BTBD9: variants seen among roughly 807,000 people sequenced by gnomAD.
BTBD9 encodes the protein BTB/POZ domain-containing protein 9.
BTBD9 carries 49 observed loss-of-function variants against 64.3 expected under a neutral mutation model. That is an observed-to-expected ratio of 0.76 (90% confidence interval 0.61 to 0.97). BTBD9 has a LOEUF of 0.97. BTBD9 is among the 50% of genes least tolerant of loss of function. The probability of loss-of-function intolerance (pLI) is 0.00; values close to 1 mark genes in which losing one functional copy is unlikely to be tolerated. For missense variants in BTBD9, 598 were observed against 762.1 expected (o/e 0.78, Z 2.53); for synonymous variants, 260 against 274.7 (o/e 0.95, Z 0.53).
chr6:38,615,273 T>C (rs865905149), intron 1 of BTBD9, among the ~76,000 whole-genome samples: 12 of 152,340 alleles, frequency 7.9e-5, no homozygotes, highest in African/African-American at 2.9e-4. Flanking sequence ...ATTGTATCTC[T>C]TTGTATTTAT....
chr6:38,365,268 G>A (rs1006572484), intron 6 of BTBD9, among the ~76,000 whole-genome samples: 1 of 152,176 alleles, frequency 6.6e-6, no homozygotes, highest in African/African-American at 2.4e-5. Context: ...GGCATAACCA[G>A]AGTGTTTAAC....
intron 9 of BTBD9, among the ~76,000 whole-genome samples, chr6:38,241,418 G>A (rs1407120571): frequency 2.0e-5 from 3 of 152,152 alleles, no homozygotes; most frequent in Non-Finnish European, 4.4e-5. Flanking sequence ...GTAGAAGGCC[G>A]AACAAGATGA....
At chr6:38,636,703 T>C (rs1289314523) in intron 1 of BTBD9, among the ~76,000 whole-genome samples, 1 of 152,198 alleles carries the variant, frequency 6.6e-6, no homozygotes, top group East Asian at 1.9e-4. Flanking sequence ...AACTTTCTGA[T>C]TATTCTACCT....
At chr6:38,180,347 G>A (rs1487757690) in intron 10 of BTBD9, among the ~76,000 whole-genome samples, 1 of 152,216 alleles carries the variant, frequency 6.6e-6, no homozygotes, top group Non-Finnish European at 1.5e-5. Flanking sequence ...AGGAGTGTGA[G>A]GGAAGGGAGG....
chr6:38,345,211 G>A (rs1242562967), intron 6 of BTBD9, 118 bp from the exon 7 acceptor site: 1 of 547,062 alleles, frequency 1.8e-6, no homozygotes, highest in Non-Finnish European at 3.2e-6. Flanking sequence ...TAGACCAAAG[G>A]AGACTCTGAG....
At chr6:38,517,818 T>G (rs1158851700) in intron 6 of BTBD9, among the ~76,000 whole-genome samples, 1 of 152,146 alleles carries the variant, frequency 6.6e-6, no homozygotes, top group East Asian at 1.9e-4. Context: ...TCGAATCCAT[T>G]TCTTTGCACC....
intron 10 of BTBD9, among the ~76,000 whole-genome samples, chr6:38,180,674 C>T (rs1256531442): frequency 6.6e-6 from 1 of 152,228 alleles, no homozygotes; most frequent in African/African-American, 2.4e-5. Flanking sequence ...GGCAGAGCCG[C>T]ACTACTCATT....
intron 1 of BTBD9, among the ~76,000 whole-genome samples, chr6:38,598,759 A>C (rs1436285223): frequency 1.3e-5 from 2 of 152,024 alleles, no homozygotes; most frequent in African/African-American, 4.8e-5. Flanking sequence ...CTCTACTAAA[A>C]ATACAAAATT....
At chr6:38,321,053 T>C (rs190573505) in intron 7 of BTBD9, among the ~76,000 whole-genome samples, 6 of 152,352 alleles carry the variant, frequency 3.9e-5, no homozygotes, top group Non-Finnish European at 7.3e-5. Flanking sequence ...TCTGAGTCAT[T>C]TGACCAAAGT....
At chr6:38,491,795 T>C (rs1771713628) in intron 6 of BTBD9, among the ~76,000 whole-genome samples, 1 of 152,188 alleles carries the variant, frequency 6.6e-6, no homozygotes, top group Non-Finnish European at 1.5e-5. Context: ...CAACAGGGTG[T>C]ATTAAGAGTA....
rs1299486478 is a variant in BTBD9, at chr6:38,577,624, A to G, written c.1130T>C (p.Leu377Ser). 5 of 1,609,494 alleles carry G rather than the reference A, an allele frequency of 3.1e-6. No individual in the cohort carries two copies. Among genetic ancestry groups the G allele is most frequent in the African/African-American group, 1.3e-5 (1 of 74,832 alleles). The part of the protein sequence containing the change: ...SQYLCRSWQK[L>S]YFPARVCRYI... ...CCTGCAGACACGGGCTGGAAAATAT[A>G]ATTTCTGCCAAGAACGACACAGATA... is the stretch of plus-strand genomic sequence containing the variant. Residue 377 changes from leucine to serine, a missense_variant, in exon 6 of 11, where the codon TTA (leucine) becomes TCA (serine). By Grantham distance (145) the Leu-to-Ser change is moderately radical. Coordinates refer to ENST00000481247, the MANE Select transcript of BTBD9 (RefSeq NM_001099272.2).
chr6:38,266,613 A>AGGAAAGAAAG (rs112415479), intron 8 of BTBD9, among the ~76,000 whole-genome samples: 6 of 9,674 alleles, frequency 6.2e-4, no homozygotes, highest in East Asian at 5.3e-3. Flanking sequence ...AAGGAAAGAA[A>AGGAAAGAAAG]GAAAGAAAGA....
At chr6:38,369,124 A>G (rs1765313405) in intron 6 of BTBD9, among the ~76,000 whole-genome samples, 2 of 152,100 alleles carry the variant, frequency 1.3e-5, no homozygotes, top group African/African-American at 2.4e-5. Context: ...TCTTAACTTA[A>G]TATTTCTCAA....
At chr6:38,264,629 G>C (rs1481324316) in intron 8 of BTBD9, among the ~76,000 whole-genome samples, 1 of 152,158 alleles carries the variant, frequency 6.6e-6, no homozygotes, top group African/African-American at 2.4e-5. Context: ...TGAGAAAGAG[G>C]GACTTTCCCA....
At chr6:38,327,191 A>C (rs925858877) in intron 7 of BTBD9, among the ~76,000 whole-genome samples, 1 of 152,206 alleles carries the variant, frequency 6.6e-6, no homozygotes, top group African/African-American at 2.4e-5. Flanking sequence ...AAAAAAAATA[A>C]GTATCTAATG....
At chr6:38,426,013 G>A (rs953987115) in intron 6 of BTBD9, among the ~76,000 whole-genome samples, 1 of 151,668 alleles carries the variant, frequency 6.6e-6, no homozygotes, top group Non-Finnish European at 1.5e-5. Context: ...CAGAAGCTAC[G>A]TGTGTCATAA....
At chr6:38,590,420 T>A (rs1776745059) in intron 4 of BTBD9, among the ~76,000 whole-genome samples, 1 of 152,324 alleles carries the variant, frequency 6.6e-6, no homozygotes, top group Middle Eastern at 3.4e-3. Context: ...AATTCAGGAT[T>A]TGAAGTCAAA....
chr6:38,603,244 G>C (rs1238188615), intron 1 of BTBD9, among the ~76,000 whole-genome samples: 2 of 152,142 alleles, frequency 1.3e-5, no homozygotes, highest in East Asian at 1.9e-4. Context: ...TGGATTCTGG[G>C]ACCTCATATG....
At chr6:38,271,594 G>T (rs544777746) in intron 8 of BTBD9, among the ~76,000 whole-genome samples, 1 of 151,984 alleles carries the variant, frequency 6.6e-6, no homozygotes, top group African/African-American at 2.4e-5. Context: ...CAGCAGGGTC[G>T]AATAGTTGCA....
Sources: gnomAD v4.1 joint callset for allele counts (sites outside exome capture counted in the v4.1 genomes callset) on GRCh38, gnomAD v4.1.1 for gene constraint, MANE v1.5 for transcripts, NCBI Gene and HGNC (gene_info 2026-07-23, HGNC 2026-07-21) for gene names.